Variants in POU2F2 observed in about 807,000 individuals in gnomAD.
The protein encoded by POU2F2 is POU class 2 homeobox 2, also known as POU domain, class 2, transcription factor 2.
A neutral mutation model predicts 63.5 loss-of-function variants in POU2F2; 14 were observed. The ratio of observed to expected loss-of-function variants is 0.22; its 90% CI spans 0.15 to 0.34. The LOEUF (loss-of-function observed/expected upper bound fraction) is 0.34. POU2F2 is among the 10% of genes least tolerant of loss of function. POU2F2 has a pLI of 1.00. For missense variants in POU2F2, 607 were observed against 815.2 expected (o/e 0.74, Z 3.11); for synonymous variants, 306 against 348.6 (o/e 0.88, Z 1.36).
intron 1 of POU2F2, among the ~76,000 whole-genome samples, chr19:42,166,515 G>T (rs2034653736): frequency 6.6e-6 from 1 of 152,164 alleles, no homozygotes; most frequent in East Asian, 1.9e-4. Context: ...GGAGTGATGT[G>T]ACTCAAAGCC....
intron 1 of POU2F2, among the ~76,000 whole-genome samples, chr19:42,191,028 T>C (rs1342955730): frequency 2.7e-5 from 4 of 149,624 alleles, no homozygotes; most frequent in Non-Finnish European, 3.0e-5. Context: ...GATCGCGCCA[T>C]TGCACTCCAC....
At chr19:42,139,382 G>C (rs796163081) in intron 2 of POU2F2, among the ~76,000 whole-genome samples, 17 of 152,276 alleles carry the variant, frequency 1.1e-4, no homozygotes, top group African/African-American at 4.1e-4. Flanking sequence ...GCCCTCTAGT[G>C]ACCTAGGGCC....
Position 42,108,632 on chromosome 19 carries a change from C to T in POU2F2, c.369+8618G>A, listed in dbSNP as rs74259558. 3.9e-5 allele frequency among the ~76,000 whole-genome samples: 6 copies of T among 152,220 alleles called. No individual in the cohort carries two copies. In the East Asian group the frequency reaches 7.7e-4, roughly 20 times the overall value. ...GAGAGAAGACAAGATTCTGGGTGAA[C>T]AGGAACAGTAAGTTGGCTCAGGACT... On this transcript the variant is annotated intron_variant, in intron 5 of 14. Transcript: ENST00000692977.
intron 1 of POU2F2, among the ~76,000 whole-genome samples, chr19:42,182,242 A>AG (rs2034969394): frequency 4.0e-5 from 5 of 125,880 alleles, no homozygotes; most frequent in Admixed American, 1.7e-4. Context: ...TCTGTCTCAA[A>AG]AGAGAGAGAG....
chr19:42,156,417 C>T lies in POU2F2; in HGVS notation c.-9+3915G>A, dbSNP rs1457286164. The T allele has an allele frequency of 6.5e-6, 1 of 152,830 alleles. No homozygotes were observed. Among genetic ancestry groups the T allele is most frequent in the Non-Finnish European group, 1.5e-5 (1 of 68,180 alleles). The allele number at this position is 152,830 out of a possible 1,614,324, so 9.5% of individuals were successfully genotyped here. A position where few individuals can be genotyped will look rare whatever the true frequency, so the allele number is the denominator to read the frequency against. ...CCCCAGAATGCTAAACAGACCCTCA[C>T]ATCTGGACTCCACATCCAGCGAGGA... On this transcript the variant is annotated intron_variant, in intron 2 of 6. Transcript: ENST00000524801. This position sits in a 1 kb window ranked among gnomAD's most constrained non-coding sequence, Gnocchi z 4.1.
At chr19:42,159,087 G>GA (rs1422723036) in intron 2 of POU2F2, among the ~76,000 whole-genome samples, 4 of 152,188 alleles carry the variant, frequency 2.6e-5, no homozygotes, top group African/African-American at 9.7e-5. Context: ...ATACTGTTGT[G>GA]AAACTAGGTA....
chr19:42,141,228 G>A (rs2034119872), intron 2 of POU2F2, among the ~76,000 whole-genome samples: 1 of 152,178 alleles, frequency 6.6e-6, no homozygotes, highest in South Asian at 2.1e-4. Flanking sequence ...ACCCAGCACT[G>A]GGCCTGCATT....
intron 1 of POU2F2, among the ~76,000 whole-genome samples, chr19:42,128,255 A>G (rs1292252128): frequency 6.6e-6 from 1 of 151,992 alleles, no homozygotes; most frequent in Non-Finnish European, 1.5e-5. Flanking sequence ...CCAGGGCCCA[A>G]TCCTGTCTAA....
At chr19:42,135,810 C>T (rs555501200), upstream of POU2F2, among the ~76,000 whole-genome samples, 187 of 151,452 alleles carry the variant, frequency 1.2e-3, 7 homozygotes, top group South Asian at 0.035. Flanking sequence ...TGGGTTCAAG[C>T]GCATCTCACG....
chr19:42,145,605 A>T (rs1035401873), intron 2 of POU2F2, among the ~76,000 whole-genome samples: 2 of 152,218 alleles, frequency 1.3e-5, no homozygotes, highest in Non-Finnish European at 2.9e-5. Context: ...TGAGATGGAC[A>T]CAAGCTCTTG....
chr19:42,182,242 A>AGAGAGAG (rs2034969394), intron 1 of POU2F2, among the ~76,000 whole-genome samples: 5 of 125,880 alleles, frequency 4.0e-5, no homozygotes, highest in Admixed American at 8.4e-5. Flanking sequence ...TCTGTCTCAA[A>AGAGAGAG]AGAGAGAGAG....
intron 1 of POU2F2, among the ~76,000 whole-genome samples, chr19:42,175,243 C>A (rs1368456833): frequency 6.6e-6 from 1 of 152,176 alleles, no homozygotes; most frequent in African/African-American, 2.4e-5. Flanking sequence ...AGGGGACAGA[C>A]CCAAACCCCC....
At chr19:42,099,424 T>G (rs1599960826) in intron 7 of POU2F2, 103 bp downstream of exon 7, 18 of 1,032,890 alleles carry the variant, frequency 1.7e-5, no homozygotes, top group East Asian at 5.1e-5. Context: ...TGTGGCTGGG[T>G]CAAATGGAAA....
chr19:42,093,761 G>A (rs1232134502), intron 12 of POU2F2, 68 bp downstream of exon 12: 2 of 1,509,406 alleles, frequency 1.3e-6, no homozygotes, highest in Non-Finnish European at 1.8e-6. Flanking sequence ...GAGCCACTTG[G>A]GAACCTCAGG....
chr19:42,097,696 C>T (rs779637411), intron 7 of POU2F2, among the ~76,000 whole-genome samples: 6 of 152,064 alleles, frequency 3.9e-5, no homozygotes, highest in Non-Finnish European at 8.8e-5. Flanking sequence ...GTAGTACCAG[C>T]AACTCAGGAG....
chr19:42,109,421 T>A (rs1456212037), intron 5 of POU2F2, among the ~76,000 whole-genome samples: 1 of 151,604 alleles, frequency 6.6e-6, no homozygotes, highest in Non-Finnish European at 1.5e-5. Context: ...AAGTCCAGAG[T>A]AGGGGAGAAC....
chr19:42,109,875 GA>G (rs1409712774), intron 5 of POU2F2, among the ~76,000 whole-genome samples: 1 of 152,152 alleles, frequency 6.6e-6, no homozygotes, highest in African/African-American at 2.4e-5. Context: ...TAATTAGCCT[GA>G]TTTGATCATT....
At chr19:42,091,702 C>T in intron 14 of POU2F2, 111 bp from the exon 15 acceptor site, 3 of 1,551,548 alleles carry the variant, frequency 1.9e-6, no homozygotes, top group Non-Finnish European at 2.6e-6. Context: ...TCCCACTGAC[C>T]CCCATCAGCA....
Position 42,091,439 on chromosome 19 carries a change from G to C in POU2F2, c.1693C>G (p.Pro565Ala). The change falls in exon 15 of 15, where the codon CCT becomes GCT. Residue 565 changes from proline to alanine, a missense_variant. Coordinates refer to ENST00000692977, the MANE Select transcript of POU2F2 (RefSeq NM_001394376.1). Reference sequence around the variant, plus strand: ...GCTGCTGAGACCAGGCCCACACCAGGCGGGGTGCTGAGCAGGGGCAGCCCA... The same window carrying C: ...GCTGCTGAGACCAGGCCCACACCAGCCGGGGTGCTGAGCAGGGGCAGCCCA... ...HAGLPLLSTP[P>A]GVGLVSAAAA... 6.4e-7 allele frequency: 1 copy of C among 1,550,684 alleles called. No individual in the cohort carries two copies. Among genetic ancestry groups the C allele is most frequent in the Admixed American group, 2.0e-5 (1 of 51,002 alleles).
Sources: allele counts gnomAD v4.1 joint callset (sites outside exome capture counted in the v4.1 genomes callset), GRCh38; gene constraint gnomAD v4.1.1; non-coding constraint Gnocchi (gnomAD v3.1); transcripts MANE v1.5; gene names NCBI Gene and HGNC (gene_info 2026-07-23, HGNC 2026-07-21).